PKIB: variants seen among roughly 807,000 people sequenced by gnomAD.
PKIB encodes the protein PKI-beta.
PKIB carries 2 observed loss-of-function variants against 4.5 expected under a neutral mutation model. The ratio of observed to expected loss-of-function variants is 0.44; its 90% CI spans 0.18 to 1.39. The LOEUF (loss-of-function observed/expected upper bound fraction) is 1.39, where lower values mean the gene tolerates loss of function less well. Among genes scored for constraint, PKIB ranks in the 40% most tolerant of loss-of-function variants. PKIB has a pLI of 0.27. For missense variants in PKIB, 94 were observed against 92.6 expected, an observed-to-expected ratio of 1.02 and a Z score of -0.06; for synonymous variants, 38 against 36.0, an observed-to-expected ratio of 1.06 and a Z score of -0.20.
upstream of PKIB, among the ~76,000 whole-genome samples, chr6:122,607,312 A>G (rs1370905073): frequency 2.0e-5 from 3 of 151,938 alleles, no homozygotes; most frequent in Non-Finnish European, 4.4e-5. Flanking sequence ...CGTCTCTACA[A>G]AAAAACAAAA....
intron 1 of PKIB, among the ~76,000 whole-genome samples, chr6:122,623,999 A>T (rs1337722301): frequency 6.6e-6 from 1 of 151,886 alleles, no homozygotes; most frequent in Non-Finnish European, 1.5e-5. Context: ...CCTCCTAACA[A>T]CTCTATGTGG....
At chr6:122,701,202 G>C (rs765343453) in intron 3 of PKIB, 1 of 414,958 alleles carries the variant, frequency 2.4e-6, no homozygotes, top group Non-Finnish European at 4.4e-6. Flanking sequence ...TGGCAACCAG[G>C]ATACCATGCT....
At chr6:122,471,931 G>C (rs943656973) in exon 1 of PKIB, 26 of 1,259,504 alleles carry the variant, frequency 2.1e-5, no homozygotes, top group Non-Finnish European at 2.6e-5. Context: ...GCGCATGCGC[G>C]TCACTAGACG....
intron 2 of PKIB, among the ~76,000 whole-genome samples, chr6:122,560,519 C>T (rs575798705): frequency 8.5e-5 from 13 of 152,096 alleles, no homozygotes; most frequent in African/African-American, 3.1e-4. Flanking sequence ...TATGTCCTTT[C>T]CTGATTTTGG....
At chr6:122,571,420 A>G (rs1345792508) in intron 2 of PKIB, among the ~76,000 whole-genome samples, 1 of 152,228 alleles carries the variant, frequency 6.6e-6, no homozygotes, top group African/African-American at 2.4e-5. Flanking sequence ...TTCCATTGCA[A>G]AAAGATTATC....
chr6:122,602,168 A>G (rs78601249), intron 3 of PKIB, among the ~76,000 whole-genome samples: 1 of 152,266 alleles, frequency 6.6e-6, no homozygotes, highest in Non-Finnish European at 1.5e-5. Flanking sequence ...CTCAGACATT[A>G]TTATCTCCCT....
chr6:122,653,731 C>A (rs1275385387), intron 2 of PKIB, among the ~76,000 whole-genome samples: 1 of 151,754 alleles, frequency 6.6e-6, no homozygotes, highest in Non-Finnish European at 1.5e-5. Context: ...GAGGTCGAGG[C>A]GGGCGGATCA....
chr6:122,725,474 A>G lies in PKIB; in HGVS notation c.*279A>G. ...ATGCATACCACTGTCTGTAAACCCA[A>G]CAAAATTCACTGTTCTCTTTTGGAT... On this transcript the variant is annotated 3_prime_UTR_variant, in exon 5 of 5. Coordinates refer to ENST00000368452, the MANE Select transcript of PKIB (RefSeq NM_181795.3). The G allele has an allele frequency of 6.7e-6, 2 of 297,492 alleles. No individual in the cohort carries two copies. The highest frequency in any genetic ancestry group is 6.2e-6 in the Non-Finnish European group (1 of 160,134). 18.4% of individuals were successfully genotyped at this position (297,492 alleles called of 1,614,324 possible). A position where few individuals can be genotyped will look rare whatever the true frequency, so the allele number is the denominator to read the frequency against.
At chr6:122,583,057 A>G (rs976424949) in intron 2 of PKIB, among the ~76,000 whole-genome samples, 1 of 152,024 alleles carries the variant, frequency 6.6e-6, no homozygotes, top group African/African-American at 2.4e-5. Flanking sequence ...AAAAACATTT[A>G]TACCCCAAGT....
chr6:122,525,860 C>A (rs1223693784), intron 2 of PKIB, among the ~76,000 whole-genome samples: 1 of 152,078 alleles, frequency 6.6e-6, no homozygotes, highest in Non-Finnish European at 1.5e-5. Context: ...TTGACTCTTT[C>A]TTTCATAAAA....
At chr6:122,585,527 T>G (rs1023154968) in intron 2 of PKIB, 9 of 152,124 alleles carry the variant, frequency 5.9e-5, no homozygotes, top group Non-Finnish European at 1.5e-5. Context: ...CAAGGCTCAG[T>G]GCTAAAGGAG....
chr6:122,541,487 C>T (rs1468437982), intron 2 of PKIB, among the ~76,000 whole-genome samples: 167 of 151,812 alleles, frequency 1.1e-3, no homozygotes, highest in Non-Finnish European at 2.1e-3. Flanking sequence ...AAATTCTGTT[C>T]TTTAAGAATG....
intron 3 of PKIB, among the ~76,000 whole-genome samples, chr6:122,587,874 GT>G (rs1360181478): frequency 3.9e-5 from 6 of 152,046 alleles, no homozygotes; most frequent in Non-Finnish European, 5.9e-5. Flanking sequence ...TGATGGGGTT[GT>G]TTTTTTCTTG....
At chr6:122,546,601 A>T (rs9482252) in intron 2 of PKIB, among the ~76,000 whole-genome samples, 20,649 of 152,148 alleles carry the variant, frequency 0.14, 1,563 homozygotes, top group East Asian at 0.26. Flanking sequence ...CATCATGCTT[A>T]AACTGTATAT....
rs1774700984 is a variant in PKIB, at chr6:122,610,419, C to G, written c.-277C>G. 6.6e-6 allele frequency: 1 copy of G among 152,224 alleles called. No individual in the cohort carries two copies. Among genetic ancestry groups the G allele is most frequent in the Non-Finnish European group, 1.5e-5 (1 of 68,060 alleles). The allele number at this position is 152,224 out of a possible 1,614,324, so 9.4% of individuals were successfully genotyped here. Reference sequence around the variant, plus strand: ...CCCAGTAGCTCAGACGCGGCCGCATCCCGGTGGACTGTAGAGGCGGCAGCG... The same window carrying G: ...CCCAGTAGCTCAGACGCGGCCGCATGCCGGTGGACTGTAGAGGCGGCAGCG... On this transcript the variant is annotated 5_prime_UTR_variant, in exon 1 of 5. In the 5' UTR this introduces an upstream ATG that the reference lacks. Coordinates refer to ENST00000368452, the MANE Select transcript of PKIB (RefSeq NM_181795.3).
chr6:122,662,283 C>CTCTCCTTCT (rs1397674429), intron 2 of PKIB, among the ~76,000 whole-genome samples: 1 of 85,548 alleles, frequency 1.2e-5, no homozygotes, highest in Non-Finnish European at 2.6e-5. Context: ...GTCTCTTTCT[C>CTCTCCTTCT]TCTCCTTCTT....
chr6:122,718,498 T>G (rs1438473223), intron 4 of PKIB, among the ~76,000 whole-genome samples: 4 of 152,170 alleles, frequency 2.6e-5, no homozygotes, highest in African/African-American at 9.7e-5. Context: ...AATAAAGTGT[T>G]AAAAGGTGCC....
intron 2 of PKIB, among the ~76,000 whole-genome samples, chr6:122,504,590 A>C (rs983194882): frequency 6.6e-6 from 1 of 152,196 alleles, no homozygotes; most frequent in African/African-American, 2.4e-5. Context: ...CTGGATGCTC[A>C]GAGATATTTT....
At chr6:122,536,112 G>A (rs562282328) in intron 2 of PKIB, among the ~76,000 whole-genome samples, 1 of 152,144 alleles carries the variant, frequency 6.6e-6, no homozygotes, top group South Asian at 2.1e-4. Context: ...GCTAATTTTT[G>A]TACTTTCAGT....
Sources: gnomAD v4.1 joint callset for allele counts (sites outside exome capture counted in the v4.1 genomes callset) on GRCh38, gnomAD v4.1.1 for gene constraint, MANE v1.5 for transcripts, NCBI Gene and HGNC (gene_info 2026-07-23, HGNC 2026-07-21) for gene names.